ZNF217: variants seen among roughly 807,000 people sequenced by gnomAD.
The protein encoded by ZNF217 is zinc finger protein 217.
ZNF217 carries 12 observed loss-of-function variants against 73.3 expected under a neutral mutation model. That is an observed-to-expected ratio of 0.16 (90% CI 0.10 to 0.27). ZNF217 has a LOEUF of 0.27. ZNF217 is among the 10% of genes least tolerant of loss of function. The pLI, the probability that ZNF217 is intolerant of heterozygous loss-of-function variation, is 1.00. For missense variants in ZNF217, 1,195 were observed against 1,327.8 expected (o/e 0.90, Z 1.55); for synonymous variants, 588 against 516.4 (o/e 1.14, Z -1.88).
In ZNF217 at chr20:53,575,919, T is replaced by C; in HGVS notation, c.2845A>G (p.Arg949Gly). The C allele has an allele frequency of 6.2e-7, 1 of 1,614,216 alleles. No homozygotes were observed. The highest frequency in any genetic ancestry group is 8.5e-7 in the Non-Finnish European group (1 of 1,180,032). ...TGCGGTAACAGTGATGTGATGCCTC[T>C]GACCATATGGTACTTGGGAAGGTCA... Reference protein sequence around the residue: ...GYDLPKYHMVRGITSLLPQDC... With the variant: ...GYDLPKYHMVGGITSLLPQDC... The change falls in exon 4 of 6, where the codon AGA becomes GGA. Residue 949 changes from arginine (R) to glycine (G), a missense_variant. Transcript: ENST00000371471.
Position 53,581,330 on chromosome 20 carries a change from C to A in ZNF217, c.1366+131G>T, listed in dbSNP as rs1988472860. On this transcript the variant is annotated intron_variant, in intron 2 of 5. Transcript: ENST00000371471. The surrounding 1 kb of genome is among the most constrained non-coding windows in gnomAD (Gnocchi z 4.9). Reference sequence around the variant, plus strand: ...TTACACAGAGTGATACCAAAAAGAGCCTGGACTTGACTCTGGCTCTCCAAA... The same window carrying A: ...TTACACAGAGTGATACCAAAAAGAGACTGGACTTGACTCTGGCTCTCCAAA... 1 of 1,300,772 alleles carries A rather than the reference C, an allele frequency of 7.7e-7. No individual in the cohort carries two copies. Among genetic ancestry groups the A allele is most frequent in the Non-Finnish European group, 1.0e-6 (1 of 964,316 alleles). The allele number at this position is 1,300,772 out of a possible 1,614,324, so 80.6% of individuals were successfully genotyped here. A position where few individuals can be genotyped will look rare whatever the true frequency, so the allele number is the denominator to read the frequency against.
intron 4 of ZNF217, among the ~76,000 whole-genome samples, chr20:53,573,862 G>A (rs1988124632): frequency 6.6e-6 from 1 of 152,162 alleles, no homozygotes; most frequent in African/African-American, 2.4e-5. Context: ...CCTAAGGTCA[G>A]GAGTTCGAGA....
Position 53,581,468 on chromosome 20 carries a change from G to A in ZNF217, c.1359C>T (p.Ile453=). 1.2e-6 allele frequency: 2 copies of A among 1,607,134 alleles called. No homozygotes were observed. Among genetic ancestry groups the A allele is most frequent in the Non-Finnish European group, 1.7e-6 (2 of 1,175,120 alleles). ...GGAGACAGGGCAGCTTACCCAGATG[G>A]ATTCCTTCGGGAAGCCCATCCTCAG... is the stretch of plus-strand genomic sequence containing the variant. ...DGSEDGLPEG[I]HLDKNDDGGK... Residue 453 remains isoleucine (I), a synonymous_variant, in exon 2 of 6, where the codon ATC becomes ATT. Transcript: ENST00000371471. The surrounding 1 kb of genome is among the most constrained non-coding windows in gnomAD (Gnocchi z 4.9).
chr20:53,573,132 T>C (rs1265245074), intron 4 of ZNF217, among the ~76,000 whole-genome samples: 4 of 151,598 alleles, frequency 2.6e-5, no homozygotes, highest in Admixed American at 1.3e-4. Context: ...ACTATTTTTT[T>C]TTTTTTTTGA....
At chr20:53,588,174 T>G (rs1337938654) in intron 1 of ZNF217, among the ~76,000 whole-genome samples, 2 of 152,108 alleles carry the variant, frequency 1.3e-5, no homozygotes, top group Admixed American at 1.3e-4. Flanking sequence ...TATAATCATA[T>G]AGCATATTTG....
chr20:53,589,842 C>T (rs1172737577), intron 1 of ZNF217, among the ~76,000 whole-genome samples: 1 of 152,116 alleles, frequency 6.6e-6, no homozygotes, highest in Non-Finnish European at 1.5e-5. Context: ...AAATTTCCTG[C>T]CGTCTTTGTG....
intron 1 of ZNF217, among the ~76,000 whole-genome samples, chr20:53,591,535 T>A (rs1179683263): frequency 6.6e-6 from 1 of 152,218 alleles, no homozygotes; most frequent in Non-Finnish European, 1.5e-5. Flanking sequence ...AATTTAAATA[T>A]AACCGATTAA....
intron 5 of ZNF217, chr20:53,570,374 C>G (rs1987941194): frequency 6.5e-6 from 1 of 153,024 alleles, no homozygotes; most frequent in African/African-American, 2.4e-5. Flanking sequence ...AAATTCTGTC[C>G]TGGACCACGA....
chr20:53,588,653 A>T (rs1421861854), intron 1 of ZNF217, among the ~76,000 whole-genome samples: 10 of 151,776 alleles, frequency 6.6e-5, no homozygotes, highest in Admixed American at 6.6e-5. Context: ...TATGCCCACT[A>T]CTAGACCACT....
At chr20:53,595,052 A>AC (rs1304735520), upstream of ZNF217, among the ~76,000 whole-genome samples, 1 of 148,584 alleles carries the variant, frequency 6.7e-6, no homozygotes, top group East Asian at 1.9e-4. Flanking sequence ...GGGACAAAAA[A>AC]AAAAAAAAAA....
intron 1 of ZNF217, among the ~76,000 whole-genome samples, chr20:53,588,574 G>A (rs1356269266): frequency 1.4e-5 from 2 of 146,906 alleles, no homozygotes; most frequent in South Asian, 2.2e-4. Flanking sequence ...AACACTGAAC[G>A]TGTGTATACA....
chr20:53,594,039 C>G (rs1373570447), upstream of ZNF217, among the ~76,000 whole-genome samples: 2 of 150,786 alleles, frequency 1.3e-5, no homozygotes, highest in Non-Finnish European at 3.0e-5. Flanking sequence ...CTCCAAGACC[C>G]CCCCCCAACA....
upstream of ZNF217, among the ~76,000 whole-genome samples, chr20:53,594,043 C>T (rs879257696): frequency 1.3e-3 from 198 of 151,120 alleles, no homozygotes; most frequent in Non-Finnish European, 1.2e-3. Context: ...AAGACCCCCC[C>T]CCAACAAAAA....
upstream of ZNF217, among the ~76,000 whole-genome samples, chr20:53,595,424 A>G (rs1989025257): frequency 1.3e-5 from 2 of 152,236 alleles, no homozygotes; most frequent in African/African-American, 2.4e-5. Context: ...AGAACGCACT[A>G]CAGAAACGAT....
chr20:53,576,607 T>A lies in ZNF217; in HGVS notation c.2157A>T (p.Thr719=). 1 of 1,614,202 alleles carries A rather than the reference T, an allele frequency of 6.2e-7. No individual in the cohort carries two copies. The highest frequency in any genetic ancestry group is 8.5e-7 in the Non-Finnish European group (1 of 1,180,026). The part of the protein sequence containing the change: ...SITCPFCTFK[T]FYPEVLMMHQ... ...GCATCATTAAAACTTCTGGATAAAA[T>A]GTCTTGAAGGTACAAAATGGACAGG... Residue 719 remains threonine (T), a synonymous_variant, in exon 4 of 6, where the codon ACA becomes ACT. Coordinates refer to ENST00000371471, the MANE Select transcript of ZNF217 (RefSeq NM_006526.3).
chr20:53,594,847 C>T (rs1166210817), upstream of ZNF217, among the ~76,000 whole-genome samples: 1 of 152,046 alleles, frequency 6.6e-6, no homozygotes, highest in African/African-American at 2.4e-5. Context: ...TTTCTTCAAG[C>T]TTGAGGAAGG....
chr20:53,577,649 C>T (rs910795065), intron 3 of ZNF217, among the ~76,000 whole-genome samples: 1 of 152,202 alleles, frequency 6.6e-6, no homozygotes, highest in African/African-American at 2.4e-5. Flanking sequence ...TACGCAGCCT[C>T]CTACATCATG....
At position 53,577,180 on chromosome 20, in the gene ZNF217, A is replaced by G. The variant is rs1988315820; in HGVS notation, c.1584T>C (p.Asp528=). Reference sequence around the variant, plus strand: ...CATCGTTCTTGACTTCAGCAGCAACATCGGTTTGTTTTTCCTTGTGATGTC... The same window carrying G: ...CATCGTTCTTGACTTCAGCAGCAACGTCGGTTTGTTTTTCCTTGTGATGTC... ...LERHHKEKQT[D]VAAEVKNDGK... Residue 528 remains aspartate, a synonymous_variant, in exon 4 of 6, where the codon GAT becomes GAC. Coordinates refer to ENST00000371471, the MANE Select transcript of ZNF217 (RefSeq NM_006526.3). 1.9e-5 allele frequency: 30 copies of G among 1,613,490 alleles called. No individual in the cohort carries two copies. Among genetic ancestry groups the G allele is most frequent in the Non-Finnish European group, 2.5e-5 (30 of 1,180,042 alleles).
intron 1 of ZNF217, among the ~76,000 whole-genome samples, chr20:53,590,017 G>T (rs1988826769): frequency 6.6e-6 from 1 of 150,804 alleles, no homozygotes; most frequent in South Asian, 2.1e-4. Context: ...TATTTAACAA[G>T]ATTGAGATTC....
Sources: gnomAD v4.1 joint callset for allele counts (sites outside exome capture counted in the v4.1 genomes callset) on GRCh38, gnomAD v4.1.1 for gene constraint, Gnocchi (gnomAD v3.1) non-coding constraint, MANE v1.5 for transcripts, NCBI Gene and HGNC (gene_info 2026-07-23, HGNC 2026-07-21) for gene names.